The following ACOXL variants were observed in gnomAD, a reference collection of about 807,000 sequenced individuals.
ACOXL encodes acyl-coenzyme A oxidase-like protein.
Under a neutral mutation model 71.9 loss-of-function variants are expected in ACOXL, and 70 were observed. That is an observed-to-expected ratio of 0.97 (90% CI 0.80 to 1.19). The LOEUF (loss-of-function observed/expected upper bound fraction) is 1.19, where lower values mean the gene tolerates loss of function less well. Ranked by LOEUF, ACOXL falls within the 50% of genes most tolerant of loss-of-function variation. The pLI, the probability that ACOXL is intolerant of heterozygous loss-of-function variation, is 0.00. For missense variants in ACOXL, 703 were observed against 736.3 expected, an observed-to-expected ratio of 0.95 and a Z score of 0.52; for synonymous variants, 253 against 281.6, an observed-to-expected ratio of 0.90 and a Z score of 1.02.
chr2:110,961,878 T>G (rs964620739), intron 12 of ACOXL, among the ~76,000 whole-genome samples: 13 of 152,172 alleles, frequency 8.5e-5, no homozygotes, highest in African/African-American at 2.4e-4. Context: ...TGAGACTTAT[T>G]CACTACCATG....
At chr2:110,881,894 T>TC (rs1384840830) in intron 10 of ACOXL, among the ~76,000 whole-genome samples, 1 of 152,086 alleles carries the variant, frequency 6.6e-6, no homozygotes, top group East Asian at 1.9e-4. Flanking sequence ...ACATTGGGTT[T>TC]TTTTTTTATT....
rs541110945 is a variant in ACOXL, at chr2:110,807,245, C to T, written c.753+1850C>T. On this transcript the variant is annotated intron_variant, in intron 9 of 17. Transcript: ENST00000439055. ...GGCCGTGAACAGGCCATAGCGCTCT[C>T]TAGGGCTCAGTTTCTTCATGTGTGA... Among the ~76,000 whole-genome samples the T allele has an allele frequency of 2.6e-5, 4 of 152,354 alleles. No homozygotes were observed. In the East Asian group the frequency reaches 7.7e-4, roughly 29 times the overall value.
chr2:110,944,313 C>T (rs1048872434), intron 12 of ACOXL, among the ~76,000 whole-genome samples: 2 of 151,484 alleles, frequency 1.3e-5, no homozygotes, highest in Non-Finnish European at 2.9e-5. Flanking sequence ...TTCAGCCTCC[C>T]AAAGTGCTGG....
At chr2:110,899,159 TTTAC>T (rs1338184833) in intron 10 of ACOXL, among the ~76,000 whole-genome samples, 4 of 152,198 alleles carry the variant, frequency 2.6e-5, no homozygotes, top group African/African-American at 9.7e-5. Context: ...ATGGGCACCC[TTTAC>T]CTTTGAGACT....
chr2:110,918,020 C>T (rs1404260844), intron 11 of ACOXL, among the ~76,000 whole-genome samples: 1 of 152,174 alleles, frequency 6.6e-6, no homozygotes, highest in African/African-American at 2.4e-5. Flanking sequence ...CCCTATCAAG[C>T]TACCATTGAC....
At chr2:111,002,569 A>C (rs2149625252) in intron 14 of ACOXL, among the ~76,000 whole-genome samples, 1 of 152,362 alleles carries the variant, frequency 6.6e-6, no homozygotes, top group Middle Eastern at 3.4e-3. Flanking sequence ...CAGACTTTAC[A>C]TGCTACAAAA....
At chr2:110,762,237 A>T (rs920408648) in intron 1 of ACOXL, among the ~76,000 whole-genome samples, 3 of 152,124 alleles carry the variant, frequency 2.0e-5, no homozygotes, top group African/African-American at 7.2e-5. Flanking sequence ...ATGTCACTAT[A>T]TCTGAAATGG....
At chr2:111,071,475 T>G (rs778748163) in intron 16 of ACOXL, among the ~76,000 whole-genome samples, 4 of 152,230 alleles carry the variant, frequency 2.6e-5, no homozygotes, top group Admixed American at 6.5e-5. Flanking sequence ...ATTTTGCTAA[T>G]GCTAACAGAA....
intron 11 of ACOXL, among the ~76,000 whole-genome samples, chr2:110,913,750 C>T (rs1216255566): frequency 6.6e-6 from 1 of 152,060 alleles, no homozygotes; most frequent in South Asian, 2.1e-4. Context: ...GGGTAGGTCT[C>T]CGGGAGCTTT....
chr2:110,766,241 T>A (rs754526057), intron 1 of ACOXL, among the ~76,000 whole-genome samples: 8 of 152,246 alleles, frequency 5.3e-5, no homozygotes, highest in Non-Finnish European at 8.8e-5. Context: ...CAGTTCTTGG[T>A]ATCATGAGCA....
chr2:110,749,873 G>C (rs1367258992), intron 1 of ACOXL, among the ~76,000 whole-genome samples: 1 of 152,214 alleles, frequency 6.6e-6, no homozygotes, highest in East Asian at 1.9e-4. Flanking sequence ...CCCCTGGTCT[G>C]TGACAGTTCC....
chr2:111,056,788 C>CA (rs34865595), intron 16 of ACOXL, among the ~76,000 whole-genome samples: 50,610 of 102,164 alleles, frequency 0.5, 11,143 homozygotes, highest in East Asian at 0.57. Flanking sequence ...ACTCTGTCTC[C>CA]AAAAAAAAAA....
chr2:111,047,252 A>G (rs990514015), intron 15 of ACOXL, among the ~76,000 whole-genome samples: 2 of 152,214 alleles, frequency 1.3e-5, no homozygotes, highest in African/African-American at 4.8e-5. Context: ...AACGAAAAGT[A>G]TCATAGTGGA....
chr2:110,735,707 C>T (rs578021504), intron 1 of ACOXL, among the ~76,000 whole-genome samples: 14 of 151,626 alleles, frequency 9.2e-5, no homozygotes, highest in African/African-American at 2.9e-4. Context: ...CTGCTGTGCC[C>T]GCCCCTGTCC....
chr2:110,740,669 G>T, intron 1 of ACOXL, among the ~76,000 whole-genome samples: 1 of 152,190 alleles, frequency 6.6e-6, no homozygotes, highest in African/African-American at 2.4e-5. Context: ...AGCATTTATT[G>T]GATGTAGGGT....
At chr2:110,809,938 C>T (rs72832838) in intron 9 of ACOXL, among the ~76,000 whole-genome samples, 3,810 of 152,306 alleles carry the variant, frequency 0.025, 71 homozygotes, top group East Asian at 0.054. Flanking sequence ...ATTGCCCCTT[C>T]ACCCAAGCTC....
chr2:111,080,943 C>T (rs1308874463), intron 16 of ACOXL, among the ~76,000 whole-genome samples: 6 of 152,260 alleles, frequency 3.9e-5, no homozygotes, highest in African/African-American at 1.4e-4. Flanking sequence ...TCAATAGATA[C>T]AGAAATGCCT....
intron 15 of ACOXL, among the ~76,000 whole-genome samples, chr2:111,033,390 T>C (rs951367897): frequency 3.3e-5 from 5 of 152,116 alleles, no homozygotes; most frequent in Admixed American, 6.6e-5. Flanking sequence ...AGAAAGAAAA[T>C]CCAGCCACCA....
intron 12 of ACOXL, among the ~76,000 whole-genome samples, chr2:110,960,278 C>G (rs369169989): frequency 6.6e-4 from 100 of 152,308 alleles, no homozygotes; most frequent in African/African-American, 2.3e-3. Context: ...ATCCGGAAAA[C>G]TGGAGTGATG....
Sources: gnomAD v4.1 joint callset for allele counts (sites outside exome capture counted in the v4.1 genomes callset) on GRCh38, gnomAD v4.1.1 for gene constraint, MANE v1.5 for transcripts, NCBI Gene and HGNC (gene_info 2026-07-23, HGNC 2026-07-21) for gene names.